Variants in MYH15 observed in about 807,000 individuals in gnomAD.
MYH15 encodes the protein myosin heavy chain 15, also known as myosin-15.
In MYH15, 227 loss-of-function variants were observed where a neutral mutation model predicts 240.5. The ratio of observed to expected loss-of-function variants is 0.94; its 90% CI spans 0.85 to 1.05. The LOEUF (loss-of-function observed/expected upper bound fraction) is 1.05, where lower values mean the gene tolerates loss of function less well. Among genes scored for constraint, MYH15 ranks in the 50% least tolerant of loss-of-function variants. The probability of loss-of-function intolerance (pLI) is 0.00; values close to 1 mark genes in which losing one functional copy is unlikely to be tolerated. For missense variants in MYH15, 2,217 were observed against 2,247.5 expected (o/e 0.99, Z 0.27); for synonymous variants, 785 against 796.7 (o/e 0.99, Z 0.25).
In MYH15 at chr3:108,380,546, T is replaced by G. The variant is rs965898066; in HGVS notation, c.*999A>C. ...TAAGAACAAACAGAACCCATGTCTG[T>G]CTCACGGCCTCCACTGCAATGCTGT... On this transcript the variant is annotated 3_prime_UTR_variant, in exon 41 of 41. Coordinates refer to ENST00000693548, the MANE Select transcript of MYH15 (RefSeq NM_014981.3). The G allele has an allele frequency of 6.6e-5, 10 of 152,312 alleles. No homozygotes were observed. Among genetic ancestry groups the G allele is most frequent in the African/African-American group, 2.2e-4 (9 of 41,454 alleles). 9.4% of individuals were successfully genotyped at this position (152,312 alleles called of 1,614,324 possible). A position where few individuals can be genotyped will look rare whatever the true frequency, so the allele number is the denominator to read the frequency against.
intron 40 of MYH15, among the ~76,000 whole-genome samples, chr3:108,383,209 C>T (rs1443631216): frequency 6.6e-6 from 1 of 152,160 alleles, no homozygotes; most frequent in African/African-American, 2.4e-5. Flanking sequence ...TACAAAGTCA[C>T]GTATGTGTCT....
At chr3:108,489,877 A>G (rs868061100) in intron 9 of MYH15, among the ~76,000 whole-genome samples, 1 of 152,222 alleles carries the variant, frequency 6.6e-6, no homozygotes, top group African/African-American at 2.4e-5. Flanking sequence ...ACAATACCCA[A>G]TTTGGACCAC....
intron 25 of MYH15, among the ~76,000 whole-genome samples, chr3:108,435,837 T>TACACACACACAC (rs34885657): frequency 6.8e-6 from 1 of 147,262 alleles, no homozygotes; most frequent in African/African-American, 2.5e-5. Flanking sequence ...TGTATATGTA[T>TACACACACACAC]ACACACACAC....
chr3:108,454,214 A>G, intron 20 of MYH15, 72 bp from the exon 21 acceptor site: 1 of 1,408,944 alleles, frequency 7.1e-7, no homozygotes, highest in Non-Finnish European at 9.7e-7. Context: ...TGATCCTGTG[A>G]GCAACTGTTG....
In MYH15 at chr3:108,428,497, C is replaced by T. The variant is rs2082744547; in HGVS notation, c.3697G>A (p.Ala1233Thr). ...LLTRVEQMTRAKANAEKLCTL... is the reference protein window; with the variant it reads ...LLTRVEQMTRTKANAEKLCTL... ...GATGGCATGGGAGTATCTACCTTAG[C>T]TCTTGTCATCTGCTCAACACGGGTC... Residue 1233 changes from alanine to threonine, a missense_variant, in exon 27 of 41, where the codon GCT (alanine) becomes ACT (threonine). Ala to Thr is a moderately conservative substitution (Grantham distance 58). Coordinates refer to ENST00000693548, the MANE Select transcript of MYH15 (RefSeq NM_014981.3). 6.2e-7 allele frequency: 1 copy of T among 1,610,716 alleles called. No homozygotes were observed. The highest frequency in any genetic ancestry group is 1.3e-5 in the African/African-American group (1 of 74,840).
rs1176994330 is a variant in MYH15, at chr3:108,421,287, G to C, written c.3703-73C>G. On this transcript the variant is annotated intron_variant, in intron 27 of 40. Transcript: ENST00000693548. ...TGAATCAGCTGCACAAAGGAAGAGGGGAGGAGTGGCTCCAGGGATCCGCAT... is the reference window on the plus strand; with the variant it reads ...TGAATCAGCTGCACAAAGGAAGAGGCGAGGAGTGGCTCCAGGGATCCGCAT... The C allele has an allele frequency of 4.5e-6, 7 of 1,553,732 alleles. No individual in the cohort carries two copies. The East Asian group carries it at 1.6e-4, about 35-fold the overall frequency.
upstream of MYH15, among the ~76,000 whole-genome samples, chr3:108,511,972 C>G (rs115395361): frequency 9.3e-4 from 142 of 152,264 alleles, no homozygotes; most frequent in African/African-American, 3.2e-3. Flanking sequence ...AGGCATGTGA[C>G]TTGTGGGAAA....
chr3:108,446,440 T>G (rs2107572649), intron 21 of MYH15, among the ~76,000 whole-genome samples: 1 of 152,318 alleles, frequency 6.6e-6, no homozygotes, highest in South Asian at 2.1e-4. Context: ...TGACCAAGCT[T>G]ACTGCTGAAG....
intron 38 of MYH15, among the ~76,000 whole-genome samples, chr3:108,386,698 A>G (rs1041127463): frequency 6.6e-6 from 1 of 151,736 alleles, no homozygotes; most frequent in Admixed American, 6.6e-5. Flanking sequence ...CATAGATGTT[A>G]CTTCTAATAG....
upstream of MYH15, among the ~76,000 whole-genome samples, chr3:108,510,786 C>T (rs1220180911): frequency 6.6e-6 from 1 of 152,120 alleles, no homozygotes; most frequent in Non-Finnish European, 1.5e-5. Flanking sequence ...GGCTGACTTA[C>T]CCACTAGACA....
chr3:108,506,099 C>T (rs1429161934), intron 1 of MYH15, among the ~76,000 whole-genome samples: 1 of 152,066 alleles, frequency 6.6e-6, no homozygotes, highest in Non-Finnish European at 1.5e-5. Flanking sequence ...CCTCCCAACA[C>T]CCCTCCCAAC....
intron 22 of MYH15, among the ~76,000 whole-genome samples, chr3:108,441,506 T>G (rs1343228222): frequency 6.6e-6 from 1 of 152,206 alleles, no homozygotes; most frequent in African/African-American, 2.4e-5. Context: ...AGATTACTTC[T>G]TCTAAAGCAC....
At chr3:108,529,347 G>C (rs975855691), upstream of MYH15, 4 of 1,229,908 alleles carry the variant, frequency 3.3e-6, no homozygotes, top group Non-Finnish European at 4.7e-6. Flanking sequence ...TCCGATGAGA[G>C]AATGATAGCC....
upstream of MYH15, among the ~76,000 whole-genome samples, chr3:108,510,791 T>C (rs2083517334): frequency 1.3e-5 from 2 of 152,130 alleles, no homozygotes; most frequent in Non-Finnish European, 2.9e-5. Flanking sequence ...ACTTACCCAC[T>C]AGACATAGAA....
chr3:108,460,731 A>G (rs1220516920), intron 16 of MYH15, among the ~76,000 whole-genome samples: 1 of 152,186 alleles, frequency 6.6e-6, no homozygotes, highest in African/African-American at 2.4e-5. Flanking sequence ...GATCCATATA[A>G]CTTATATGGA....
At chr3:108,511,675 A>AT (rs1383485705), upstream of MYH15, among the ~76,000 whole-genome samples, 2 of 152,220 alleles carry the variant, frequency 1.3e-5, no homozygotes, top group Non-Finnish European at 2.9e-5. Context: ...TACTCATCAC[A>AT]TTTATAGGTA....
chr3:108,445,970 A>G (rs2082924514), intron 21 of MYH15, among the ~76,000 whole-genome samples: 1 of 152,132 alleles, frequency 6.6e-6, no homozygotes, highest in Non-Finnish European at 1.5e-5. Context: ...AGAAAAGAAT[A>G]AACCCCCACA....
In MYH15 at chr3:108,421,155, C is replaced by T; in HGVS notation, c.3762G>A (p.Lys1254=). The change falls in exon 28 of 41, where the codon AAG becomes AAA. Residue 1254 remains lysine (K), a synonymous_variant. Transcript: ENST00000693548. Reference sequence around the variant, plus strand: ...TTGCCAACTGAGTCACCTTATCTAGCTTTGCAGTTGCTTCATGCAAGCGCT... The same window carrying T: ...TTGCCAACTGAGTCACCTTATCTAGTTTTGCAGTTGCTTCATGCAAGCGCT... ...YEERLHEATA[K]LDKVTQLAND... is the part of the protein sequence containing the mutation. 1 of 1,614,098 alleles carries T rather than the reference C, an allele frequency of 6.2e-7. No homozygotes were observed. The highest frequency in any genetic ancestry group is 1.1e-5 in the South Asian group (1 of 91,080).
chr3:108,465,215 T>C (rs73850898), intron 14 of MYH15, among the ~76,000 whole-genome samples: 22,401 of 152,140 alleles, frequency 0.15, 1,852 homozygotes, highest in South Asian at 0.25. Context: ...ATAGAGTCAT[T>C]GGGTAAGACA....
Sources: gnomAD v4.1 joint callset for allele counts (sites outside exome capture counted in the v4.1 genomes callset) on GRCh38, gnomAD v4.1.1 for gene constraint, MANE v1.5 for transcripts, NCBI Gene and HGNC (gene_info 2026-07-23, HGNC 2026-07-21) for gene names.